The following TASOR2 variants were observed in gnomAD, a reference collection of about 807,000 sequenced individuals.
TASOR2 encodes the protein protein TASOR 2.
A neutral mutation model predicts 199.5 loss-of-function variants in TASOR2; 84 were observed. The ratio of observed to expected loss-of-function variants is 0.42; its 90% confidence interval spans 0.35 to 0.50. TASOR2 has a LOEUF of 0.50. TASOR2 is among the 20% of genes least tolerant of loss of function. The pLI is 0.02. For missense variants in TASOR2, 2,796 were observed against 2,835.9 expected (o/e 0.99, Z 0.32); for synonymous variants, 1,103 against 1,046.6 (o/e 1.05, Z -1.04).
In TASOR2 at chr10:5,738,216, T is replaced by C. The variant is rs1018200238; in HGVS notation, c.1448-1402T>C. 1.3e-5 allele frequency among the ~76,000 whole-genome samples: 2 copies of C among 152,266 alleles called. No individual in the cohort carries two copies. The highest frequency in any genetic ancestry group is 2.4e-5 in the African/African-American group (1 of 41,470). ...ATGTAGTTCCTTTGGCATTGTCTTA[T>C]GTATGTCTTAAATAGAAATTATGGG... On this transcript the variant is annotated intron_variant, in intron 12 of 20. Coordinates refer to ENST00000328090, the Ensembl canonical transcript of TASOR2. The surrounding 1 kb of genome is among the most constrained non-coding windows in gnomAD (Gnocchi z 4.7).
chr10:5,735,987 A>G (rs1366137227), intron 12 of TASOR2, among the ~76,000 whole-genome samples: 1 of 152,192 alleles, frequency 6.6e-6, no homozygotes, highest in Non-Finnish European at 1.5e-5. Flanking sequence ...TTATTTATTT[A>G]GAGACAGGGT....
At chr10:5,758,040 T>A (rs1478250890) in intron 17 of TASOR2, among the ~76,000 whole-genome samples, 1 of 152,218 alleles carries the variant, frequency 6.6e-6, no homozygotes, top group African/African-American at 2.4e-5. Flanking sequence ...CCATTTCTGA[T>A]GTCAACACCC....
In TASOR2 at chr10:5,698,226, A is replaced by G. The variant is rs907611622; in HGVS notation, c.-288+13051A>G. On this transcript the variant is annotated intron_variant, in intron 1 of 20. Coordinates refer to ENST00000328090, the Ensembl canonical transcript of TASOR2. This position sits in a 1 kb window ranked among gnomAD's most constrained non-coding sequence, Gnocchi z 4.4. ...GGGTATTTTTATTTGTTCTCTTTCT[A>G]TCTGTGCCATTTCCATGAGAAAAAC... is the stretch of plus-strand genomic sequence containing the variant. Among the ~76,000 whole-genome samples, 6 of 152,296 alleles carry G rather than the reference A, an allele frequency of 3.9e-5. No individual in the cohort carries two copies. The highest frequency in any genetic ancestry group is 2.1e-4 in the South Asian group (1 of 4,826).
chr10:5,739,224 G>T (rs1248187562), intron 12 of TASOR2, among the ~76,000 whole-genome samples: 1 of 152,158 alleles, frequency 6.6e-6, no homozygotes, highest in Non-Finnish European at 1.5e-5. Flanking sequence ...GCTCCCAAGG[G>T]CAGGACTCTC....
rs908367584 is a variant in TASOR2 at position 5,752,861 on chromosome 10, C to T, written c.6606+2834C>T. 4.1e-4 allele frequency among the ~76,000 whole-genome samples: 62 copies of T among 152,306 alleles called. No homozygotes were observed. Among genetic ancestry groups the T allele is most frequent in the African/African-American group, 1.4e-3 (60 of 41,554 alleles). On this transcript the variant is annotated intron_variant, in intron 15 of 20. Transcript: ENST00000328090. The surrounding 1 kb of genome is among the most constrained non-coding windows in gnomAD (Gnocchi z 4.4). ...TGGGCTGTGGGAGAGAACAGCCTCA[C>T]GCCTCATATGGCAGTGGCAGGGCCT... is the stretch of plus-strand genomic sequence containing the variant.
Position 5,738,316 on chromosome 10 carries a change from T to C in TASOR2, c.1448-1302T>C, listed in dbSNP as rs578112779. Among the ~76,000 whole-genome samples, 1 of 152,362 alleles carries C rather than the reference T, an allele frequency of 6.6e-6. No homozygotes were observed. Among genetic ancestry groups the C allele is most frequent in the Non-Finnish European group, 1.5e-5 (1 of 68,036 alleles). ...TATGTGAGACTATAATATGTTAAACTACCATTTTTCTTTATTTTAATACAG... is the reference window on the plus strand; with the variant it reads ...TATGTGAGACTATAATATGTTAAACCACCATTTTTCTTTATTTTAATACAG... On this transcript the variant is annotated intron_variant, in intron 12 of 20. Coordinates refer to ENST00000328090, the Ensembl canonical transcript of TASOR2. This position sits in a 1 kb window ranked among gnomAD's most constrained non-coding sequence, Gnocchi z 4.7.
At chr10:5,741,936 G>T (rs1389946170) in intron 13 of TASOR2, among the ~76,000 whole-genome samples, 161 bp from the exon 15 acceptor site, 1 of 152,150 alleles carries the variant, frequency 6.6e-6, no homozygotes, top group Non-Finnish European at 1.5e-5. Context: ...ATAATTATTT[G>T]TTAAGTCAAC....
intron 12 of TASOR2, among the ~76,000 whole-genome samples, chr10:5,736,484 G>A (rs1308671294): frequency 6.6e-6 from 1 of 151,976 alleles, no homozygotes; most frequent in Non-Finnish European, 1.5e-5. Flanking sequence ...GAACTCCTGA[G>A]CTCAAGTGAT....
rs771295823 is a variant in TASOR2, at chr10:5,757,680, C to G, written c.6886+7C>G. 1 of 1,611,482 alleles carries G rather than the reference C, an allele frequency of 6.2e-7. No homozygotes were observed. Among genetic ancestry groups the G allele is most frequent in the Non-Finnish European group, 8.5e-7 (1 of 1,179,238 alleles). The stretch of plus-strand genomic sequence containing the variant: ...CTAGAAGCTGTAACATTAGGTTGGT[C>G]TTTATTTTCTTTTCCTGTTTCTTTG... On this transcript the variant is annotated splice_region_variant and intron_variant, in intron 17 of 20. Coordinates refer to ENST00000328090, the Ensembl canonical transcript of TASOR2.
chr10:5,740,373 A>T lies in TASOR2; in HGVS notation c.2203A>T (p.Ile735Leu). Residue 735 changes from isoleucine (I) to leucine (L), a missense_variant, in exon 13 of 21, where the codon ATA becomes TTA. Ile to Leu is a conservative substitution (Grantham distance 5). This residue lies in a region of TASOR2 where 847 missense variants were observed against 887.4 expected (regional missense o/e 0.95). Transcript: ENST00000328090. The surrounding 1 kb of genome is among the most constrained non-coding windows in gnomAD (Gnocchi z 5.3). ...TGTGAAAAAATCTTCTTGCTCTCGTATAGTGCTTAGCTGTGATGACTCCGT... is the reference window on the plus strand; with the variant it reads ...TGTGAAAAAATCTTCTTGCTCTCGTTTAGTGCTTAGCTGTGATGACTCCGT... 6.2e-7 allele frequency: 1 copy of T among 1,614,216 alleles called. No individual in the cohort carries two copies. Among genetic ancestry groups the T allele is most frequent in the African/African-American group, 1.3e-5 (1 of 75,062 alleles).
Position 5,723,779 on chromosome 10 carries a change from T to C in TASOR2, c.247+2T>C. On this transcript the variant is annotated splice_donor_variant, in intron 7 of 20. Coordinates refer to ENST00000328090, the Ensembl canonical transcript of TASOR2. LOFTEE classifies it high-confidence loss of function. ...AACAGAATTACTTGGAGGAGAAAGGTCTGTTGAAATGTAATAACACGCTAC... is the reference window on the plus strand; with the variant it reads ...AACAGAATTACTTGGAGGAGAAAGGCCTGTTGAAATGTAATAACACGCTAC... 1 of 1,593,642 alleles carries C rather than the reference T, an allele frequency of 6.3e-7. No homozygotes were observed. The highest frequency in any genetic ancestry group is 8.6e-7 in the Non-Finnish European group (1 of 1,167,476).
exon 21 of TASOR2, chr10:5,763,075 A>T: frequency 6.2e-7 from 1 of 1,604,154 alleles, no homozygotes; most frequent in Non-Finnish European, 8.5e-7. Flanking sequence ...CCAATAAAAA[A>T]TTAGTATTTT....
In TASOR2 at chr10:5,720,537, C is replaced by A; in HGVS notation, c.-99-7C>A. The stretch of plus-strand genomic sequence containing the variant: ...TACCCTGATAATACTTATTTTTCCT[C>A]TTTCAGTATTACTTTTACGAACTTT... On this transcript the variant is annotated splice_polypyrimidine_tract_variant and splice_region_variant and intron_variant, in intron 3 of 20. Transcript: ENST00000328090. This position sits in a 1 kb window ranked among gnomAD's most constrained non-coding sequence, Gnocchi z 5.3. The A allele has an allele frequency of 6.3e-7, 1 of 1,582,504 alleles. No homozygotes were observed. The highest frequency in any genetic ancestry group is 8.6e-7 in the Non-Finnish European group (1 of 1,164,748).
At chr10:5,715,971 G>A (rs1477621759) in intron 2 of TASOR2, among the ~76,000 whole-genome samples, 2 of 152,120 alleles carry the variant, frequency 1.3e-5, no homozygotes, top group Admixed American at 6.5e-5. Context: ...ACATCACAGA[G>A]CGTACTTAGA....
At chr10:5,692,406 G>C (rs909844269) in intron 1 of TASOR2, among the ~76,000 whole-genome samples, 1 of 152,104 alleles carries the variant, frequency 6.6e-6, no homozygotes, top group African/African-American at 2.4e-5. Context: ...GGAAATTGGA[G>C]CTTGGAGTGA....
chr10:5,714,255 A>G, intron 2 of TASOR2, 48 bp downstream of exon 3: 1 of 1,130,988 alleles, frequency 8.8e-7, no homozygotes, highest in Non-Finnish European at 1.1e-6. Flanking sequence ...CTTCTTTTAC[A>G]AGATGAAGTG....
At chr10:5,741,763 A>G (rs1235760545) in intron 13 of TASOR2, among the ~76,000 whole-genome samples, 2 of 152,232 alleles carry the variant, frequency 1.3e-5, no homozygotes, top group Non-Finnish European at 2.9e-5. Context: ...AACCATTTCT[A>G]TAATAAGTAT....
chr10:5,758,782 T>C (rs12783486), intron 17 of TASOR2, 105 bp from the exon 19 acceptor site: 190 of 774,042 alleles, frequency 2.5e-4, no homozygotes, highest in Admixed American at 4.8e-4. Context: ...CCATGGGTCT[T>C]AGTCTGTTTT....
rs1835777885 is a variant in TASOR2, at chr10:5,737,446, T to A, written c.1447+1900T>A. Among the ~76,000 whole-genome samples, 1 of 151,744 alleles carries A rather than the reference T, an allele frequency of 6.6e-6. No individual in the cohort carries two copies. Among genetic ancestry groups the A allele is most frequent in the South Asian group, 2.1e-4 (1 of 4,794 alleles). Reference sequence around the variant, plus strand: ...AGATTTGAGCTCTTCTGCTTGTCCCTCTCGGGAGTTTATGGTGTGGCTGTA... The same window carrying A: ...AGATTTGAGCTCTTCTGCTTGTCCCACTCGGGAGTTTATGGTGTGGCTGTA... On this transcript the variant is annotated intron_variant, in intron 12 of 20. Transcript: ENST00000328090. The surrounding 1 kb of genome is among the most constrained non-coding windows in gnomAD (Gnocchi z 4.9).
Sources: gnomAD v4.1 joint callset for allele counts (sites outside exome capture counted in the v4.1 genomes callset) on GRCh38, gnomAD v4.1.1 for gene constraint, gnomAD v4.1.1 regional missense constraint, Gnocchi (gnomAD v3.1) non-coding constraint, MANE v1.5 for transcripts, NCBI Gene and HGNC (gene_info 2026-07-23, HGNC 2026-07-21) for gene names.